The following INPP5B variants were observed in gnomAD, a reference collection of about 807,000 sequenced individuals.
The protein encoded by INPP5B is inositol polyphosphate-5-phosphatase B, also known as type II inositol 1,4,5-trisphosphate 5-phosphatase.
Under a neutral mutation model 118.5 loss-of-function variants are expected in INPP5B, and 90 were observed. The observed-to-expected ratio is 0.76, with a 90% CI of 0.64 to 0.90. The LOEUF is 0.90. Among genes scored for constraint, INPP5B ranks in the 40% least tolerant of loss-of-function variants. The pLI is 0.00. For synonymous variants in INPP5B, 385 were observed against 418.9 expected (o/e 0.92, Z 0.99); for missense variants, 984 against 1,125.6 (o/e 0.87, Z 1.80).
intron 3 of INPP5B, among the ~76,000 whole-genome samples, chr1:37,944,649 G>A (rs28611172): frequency 0.53 from 79,129 of 150,408 alleles, 21,161 homozygotes; most frequent in Non-Finnish European, 0.59. Context: ...GGCTGCAATC[G>A]TAGTTCACTG....
At chr1:37,895,652 G>A (rs1275594709) in intron 7 of INPP5B, among the ~76,000 whole-genome samples, 1 of 152,118 alleles carries the variant, frequency 6.6e-6, no homozygotes, top group African/African-American at 2.4e-5. Flanking sequence ...GCCTGCGATT[G>A]CAGGCGCGCG....
intron 11 of INPP5B, 95 bp from the exon 12 acceptor site, chr1:37,887,099 G>T: frequency 1.0e-6 from 1 of 994,644 alleles, no homozygotes; most frequent in Non-Finnish European, 1.6e-6. Flanking sequence ...GAGTATTCAC[G>T]TGTCTCCTTC....
chr1:37,880,561 C>T (rs1316035882), intron 14 of INPP5B, among the ~76,000 whole-genome samples: 1 of 152,066 alleles, frequency 6.6e-6, no homozygotes, highest in Non-Finnish European at 1.5e-5. Context: ...CCTCAGTCTC[C>T]TGAGTAGCTG....
At chr1:37,936,371 C>T (rs915997174) in intron 6 of INPP5B, among the ~76,000 whole-genome samples, 1 of 151,648 alleles carries the variant, frequency 6.6e-6, no homozygotes, top group Non-Finnish European at 1.5e-5. Flanking sequence ...CTGTAATTCC[C>T]GCACTTTGGG....
At chr1:37,921,391 G>GA (rs2148633748) in intron 7 of INPP5B, among the ~76,000 whole-genome samples, 1 of 152,222 alleles carries the variant, frequency 6.6e-6, no homozygotes, top group African/African-American at 2.4e-5. Context: ...GAAAAGAATG[G>GA]AAAAAATCCA....
intron 7 of INPP5B, among the ~76,000 whole-genome samples, chr1:37,896,443 G>A (rs537592848): frequency 1.7e-4 from 26 of 150,066 alleles, no homozygotes; most frequent in Admixed American, 1.5e-3. Flanking sequence ...CCCCCCGCCC[G>A]GCCAGCTGCC....
intron 7 of INPP5B, among the ~76,000 whole-genome samples, chr1:37,909,272 G>A (rs191623643): frequency 6.6e-6 from 1 of 152,054 alleles, no homozygotes; most frequent in Admixed American, 6.6e-5. Flanking sequence ...CTGAATCCTG[G>A]GAATCCTCCT....
At chr1:37,886,829 G>C (rs1643568069) in intron 12 of INPP5B, 59 bp downstream of exon 12, 2 of 1,191,628 alleles carry the variant, frequency 1.7e-6, no homozygotes, top group Admixed American at 3.4e-5. Context: ...CATCAGAAGT[G>C]GTCAATACCT....
chr1:37,872,791 A>AT, intron 19 of INPP5B, 139 bp downstream of exon 19: 5 of 650,554 alleles, frequency 7.7e-6, no homozygotes, highest in Non-Finnish European at 1.1e-5. Flanking sequence ...TAGCACAGCA[A>AT]TATACAGCTG....
At chr1:37,909,800 G>A (rs552594266) in intron 7 of INPP5B, among the ~76,000 whole-genome samples, 58 of 152,326 alleles carry the variant, frequency 3.8e-4, no homozygotes, top group African/African-American at 1.3e-3. Flanking sequence ...ATACAGAAGA[G>A]TTGTAATTAC....
At chr1:37,871,760 G>A (rs900849844) in intron 19 of INPP5B, among the ~76,000 whole-genome samples, 1 of 151,818 alleles carries the variant, frequency 6.6e-6, no homozygotes, top group Non-Finnish European at 1.5e-5. Flanking sequence ...AAATTAGCAT[G>A]ATGGCGGGTG....
At position 37,862,140 on chromosome 1, in the gene INPP5B, TCA is replaced by T. The variant is rs1413459899; in HGVS notation, c.*173_*174del. On this transcript the variant is annotated 3_prime_UTR_variant, in exon 24 of 24. Transcript: ENST00000373024. The stretch of plus-strand genomic sequence containing the variant: ...GGATTTTCTCCCGTGTCTTCACGAC[TCA>T]CAGCGCTGAGTGTGCTAACCAATGG... The T allele has an allele frequency of 1.8e-6, 1 of 552,056 alleles. No homozygotes were observed. Among genetic ancestry groups the T allele is most frequent in the Admixed American group, 3.4e-5 (1 of 29,778 alleles). 34.2% of individuals were successfully genotyped at this position (552,056 alleles called of 1,614,324 possible). A position where few individuals can be genotyped will look rare whatever the true frequency, so the allele number is the denominator to read the frequency against.
At chr1:37,927,026 C>T (rs1356943585) in intron 7 of INPP5B, among the ~76,000 whole-genome samples, 1 of 152,090 alleles carries the variant, frequency 6.6e-6, no homozygotes, top group Non-Finnish European at 1.5e-5. Context: ...CGGTGGCTCA[C>T]GCCTGTAATC....
intron 23 of INPP5B, among the ~76,000 whole-genome samples, chr1:37,863,197 G>A (rs1292257603): frequency 6.6e-6 from 1 of 151,284 alleles, no homozygotes; most frequent in Non-Finnish European, 1.5e-5. Context: ...CTGCAGTGGG[G>A]AGGGTCACTG....
intron 22 of INPP5B, 196 bp from the exon 23 acceptor site, chr1:37,864,619 T>G (rs1641917480): frequency 4.5e-6 from 2 of 447,710 alleles, no homozygotes; most frequent in Non-Finnish European, 8.1e-6. Flanking sequence ...AGTCAAACTT[T>G]TAACTACATG....
chr1:37,872,346 G>A (rs1301091562), intron 19 of INPP5B, among the ~76,000 whole-genome samples: 4 of 139,692 alleles, frequency 2.9e-5, no homozygotes, highest in African/African-American at 5.3e-5. Flanking sequence ...CTCCAGCCTG[G>A]GCAACAAGAG....
At chr1:37,889,495 C>A in intron 9 of INPP5B, 62 bp downstream of exon 9, 2 of 1,364,684 alleles carry the variant, frequency 1.5e-6, no homozygotes, top group South Asian at 2.7e-5. Flanking sequence ...AGGAAGTGCT[C>A]AAATTCCAGA....
chr1:37,902,888 G>C (rs539815955), intron 7 of INPP5B, among the ~76,000 whole-genome samples: 1 of 152,104 alleles, frequency 6.6e-6, no homozygotes, highest in Admixed American at 6.6e-5. Flanking sequence ...GGAGGTGAAG[G>C]GGGAGGACAG....
intron 20 of INPP5B, among the ~76,000 whole-genome samples, 154 bp from the exon 21 acceptor site, chr1:37,866,697 C>T (rs1424192801): frequency 2.0e-5 from 3 of 152,258 alleles, no homozygotes; most frequent in East Asian, 3.9e-4. Context: ...GCTGATGTGG[C>T]GAATTCATCT....
Sources: allele counts gnomAD v4.1 joint callset (sites outside exome capture counted in the v4.1 genomes callset), GRCh38; gene constraint gnomAD v4.1.1; transcripts MANE v1.5; gene names NCBI Gene and HGNC (gene_info 2026-07-23, HGNC 2026-07-21).